The following DAB1 variants were observed in gnomAD, a reference collection of about 807,000 sequenced individuals.
DAB1 encodes the protein disabled homolog 1.
In DAB1, 15 loss-of-function variants were observed where a neutral mutation model predicts 64.6. The ratio of observed to expected loss-of-function variants is 0.23; its 90% CI spans 0.16 to 0.36. The LOEUF (loss-of-function observed/expected upper bound fraction) is 0.36. Ranked by LOEUF, DAB1 falls within the 10% of genes least tolerant of loss-of-function variation. DAB1 has a pLI of 1.00. For synonymous variants in DAB1, 235 were observed against 251.9 expected (o/e 0.93, Z 0.64); for missense variants, 596 against 706.7 (o/e 0.84, Z 1.78).
At chr1:57,103,798 G>T (rs479780) in intron 4 of DAB1, among the ~76,000 whole-genome samples, 1 of 152,046 alleles carries the variant, frequency 6.6e-6, no homozygotes, top group Non-Finnish European at 1.5e-5. Context: ...GTTCTGCAGA[G>T]TGGGTTGAAA....
At chr1:57,764,884 CT>C (rs1262268724) in intron 6 of DAB1, among the ~76,000 whole-genome samples, 1 of 152,074 alleles carries the variant, frequency 6.6e-6, no homozygotes, top group Non-Finnish European at 1.5e-5. Flanking sequence ...AAATTAGGAA[CT>C]TTGGAAACTT....
chr1:57,776,699 T>C (rs1475690565), intron 6 of DAB1, among the ~76,000 whole-genome samples: 1 of 151,838 alleles, frequency 6.6e-6, no homozygotes, highest in Non-Finnish European at 1.5e-5. Context: ...TTATACCATT[T>C]CACATGTAAT....
intron 3 of DAB1, among the ~76,000 whole-genome samples, chr1:58,350,708 T>C (rs889355640): frequency 1.3e-5 from 2 of 152,208 alleles, no homozygotes; most frequent in African/African-American, 2.4e-5. Flanking sequence ...ATTTATTAAA[T>C]AGGGAATCCT....
chr1:58,514,423 T>C (rs1323929251), intron 2 of DAB1, among the ~76,000 whole-genome samples: 2 of 152,208 alleles, frequency 1.3e-5, no homozygotes, highest in African/African-American at 4.8e-5. Context: ...GCCAACGTTT[T>C]CATTAGAAAT....
chr1:58,072,139 A>G (rs1649314460), intron 5 of DAB1, among the ~76,000 whole-genome samples: 1 of 151,898 alleles, frequency 6.6e-6, no homozygotes. Flanking sequence ...ATTAATCATC[A>G]TGAACTCTTT....
chr1:57,240,554 TA>T (rs1668424037), intron 2 of DAB1, among the ~76,000 whole-genome samples: 1 of 152,172 alleles, frequency 6.6e-6, no homozygotes, highest in African/African-American at 2.4e-5. Flanking sequence ...CAGAAAATAT[TA>T]ACTTGACCAA....
chr1:57,916,815 C>T (rs186127378), intron 5 of DAB1, among the ~76,000 whole-genome samples: 5 of 152,130 alleles, frequency 3.3e-5, no homozygotes, highest in East Asian at 1.9e-4. Context: ...TGGTCACGCA[C>T]GCCTGTAATC....
At chr1:58,174,708 G>A (rs1242105706) in intron 4 of DAB1, among the ~76,000 whole-genome samples, 1 of 151,926 alleles carries the variant, frequency 6.6e-6, no homozygotes, top group Non-Finnish European at 1.5e-5. Flanking sequence ...TGTCTAGCTA[G>A]AGGATTGTAA....
chr1:57,068,367 A>G (rs114675659), intron 8 of DAB1, among the ~76,000 whole-genome samples: 3,619 of 152,282 alleles, frequency 0.024, 154 homozygotes, highest in African/African-American at 0.082. Flanking sequence ...TGGAGAGAAA[A>G]TATTATTCAA....
chr1:58,184,586 G>A (rs892461223), intron 4 of DAB1, among the ~76,000 whole-genome samples: 1 of 152,056 alleles, frequency 6.6e-6, no homozygotes, highest in African/African-American at 2.4e-5. Flanking sequence ...AAATGCAGTA[G>A]AATCAGCTAA....
chr1:58,252,570 C>T (rs528980826), intron 4 of DAB1, among the ~76,000 whole-genome samples: 56 of 152,270 alleles, frequency 3.7e-4, no homozygotes, highest in African/African-American at 1.3e-3. Context: ...GGCTGAGACA[C>T]GTGATAATTT....
chr1:57,984,527 T>G (rs971007933), intron 5 of DAB1, among the ~76,000 whole-genome samples: 3 of 152,216 alleles, frequency 2.0e-5, no homozygotes, highest in African/African-American at 7.2e-5. Context: ...TAATTACTCA[T>G]AGGGCTTCCA....
chr1:57,139,656 A>G (rs1658417130), intron 3 of DAB1, among the ~76,000 whole-genome samples: 2 of 152,128 alleles, frequency 1.3e-5, no homozygotes, highest in African/African-American at 4.8e-5. Context: ...CAGTGTCTCC[A>G]TTTCCAAAAC....
At chr1:57,305,662 G>A (rs943419480) in intron 1 of DAB1, among the ~76,000 whole-genome samples, 1 of 152,096 alleles carries the variant, frequency 6.6e-6, no homozygotes, top group African/African-American at 2.4e-5. Flanking sequence ...AAAACAGAAG[G>A]GAGAAATGAA....
In DAB1 at chr1:57,513,629, G is replaced by C. The variant is rs115934714; in HGVS notation, n.625+135963C>G. ...TGATGTTTTGAAATATGTATACATT[G>C]TGGAACTGCCAAATGAAATTATTTA... is the stretch of plus-strand genomic sequence containing the variant. On this transcript the variant is annotated intron_variant and non_coding_transcript_variant, in intron 7 of 20. Transcript: ENST00000485760. Among the ~76,000 whole-genome samples the C allele has an allele frequency of 4.3e-3, 652 of 152,264 alleles. 3 individuals carry two copies. Among genetic ancestry groups the C allele is most frequent in the African/African-American group, 0.015 (634 of 41,560 alleles).
chr1:58,137,251 T>C (rs1359593245), intron 5 of DAB1, among the ~76,000 whole-genome samples: 2 of 152,246 alleles, frequency 1.3e-5, no homozygotes, highest in Non-Finnish European at 2.9e-5. Context: ...TGTTTTACAC[T>C]AAGAAAAGGG....
intron 1 of DAB1, among the ~76,000 whole-genome samples, chr1:57,420,481 A>T (rs1406054925): frequency 6.6e-6 from 1 of 152,260 alleles, no homozygotes; most frequent in Non-Finnish European, 1.5e-5. Flanking sequence ...TAAAGTGCTT[A>T]GAAGCATTCC....
Position 58,087,821 on chromosome 1 carries a change from C to T in DAB1, n.387+62690G>A, listed in dbSNP as rs931873289. On this transcript the variant is annotated intron_variant and non_coding_transcript_variant, in intron 5 of 20. Transcript: ENST00000485760. ...GACATCTATGGACATTTAAGGTCTA[C>T]TCAAGCTCTTTGATGTTTGGTTTAT... Among the ~76,000 whole-genome samples the T allele has an allele frequency of 2.6e-5, 4 of 152,320 alleles. No individual in the cohort carries two copies. In the East Asian group the frequency reaches 7.7e-4, roughly 29 times the overall value.
At chr1:57,292,458 AG>A (rs1395141565) in intron 1 of DAB1, among the ~76,000 whole-genome samples, 1 of 152,178 alleles carries the variant, frequency 6.6e-6, no homozygotes, top group Non-Finnish European at 1.5e-5. Flanking sequence ...TTTGTAAAAC[AG>A]GGTCCATGAA....
Sources: gnomAD v4.1 joint callset for allele counts (sites outside exome capture counted in the v4.1 genomes callset) on GRCh38, gnomAD v4.1.1 for gene constraint, MANE v1.5 for transcripts, NCBI Gene and HGNC (gene_info 2026-07-23, HGNC 2026-07-21) for gene names.